EPB41L4B: variants seen among roughly 807,000 people sequenced by gnomAD.
EPB41L4B encodes the protein erythrocyte membrane protein band 4.1 like 4B, also known as band 4.1-like protein 4B.
Under a neutral mutation model 112.5 loss-of-function variants are expected in EPB41L4B, and 30 were observed. The ratio of observed to expected loss-of-function variants is 0.27; its 90% CI spans 0.20 to 0.36. The LOEUF (loss-of-function observed/expected upper bound fraction) is 0.36. Among genes scored for constraint, EPB41L4B ranks in the 10% least tolerant of loss-of-function variants. The probability of loss-of-function intolerance (pLI) is 1.00; values close to 1 mark genes in which losing one functional copy is unlikely to be tolerated. For missense variants in EPB41L4B, 1,024 were observed against 1,133.3 expected (o/e 0.90, Z 1.38); for synonymous variants, 408 against 439.7 (o/e 0.93, Z 0.90).
chr9:109,294,987 G>A (rs945205957), intron 1 of EPB41L4B, among the ~76,000 whole-genome samples: 2 of 152,116 alleles, frequency 1.3e-5, no homozygotes, highest in East Asian at 1.9e-4. Flanking sequence ...TGACATCCAC[G>A]GTGACGAGGA....
rs1015620091 is a variant in EPB41L4B, at chr9:109,174,924, T to G, written c.2634-301A>C. Among the ~76,000 whole-genome samples, 4 of 143,150 alleles carry G rather than the reference T, an allele frequency of 2.8e-5. No individual in the cohort carries two copies. The East Asian group carries it at 8.0e-4, about 29-fold the overall frequency. 93.9% of individuals were successfully genotyped at this position (143,150 alleles called of 152,430 possible). A position where few individuals can be genotyped will look rare whatever the true frequency, so the allele number is the denominator to read the frequency against. ...CACTCAGTAAAGTGTTTTTTTTTTT[T>G]TTTTTTTTTTGAGATGGAGTCTCAC... On this transcript the variant is annotated intron_variant, in intron 25 of 25. Transcript: ENST00000374566.
At chr9:109,319,234 C>A (rs375701578) in intron 1 of EPB41L4B, among the ~76,000 whole-genome samples, 11 of 152,184 alleles carry the variant, frequency 7.2e-5, no homozygotes, top group Admixed American at 2.6e-4. Flanking sequence ...GGTAACTGGA[C>A]GCCCTGCAGC....
At chr9:109,206,379 C>T (rs1220987968) in intron 18 of EPB41L4B, among the ~76,000 whole-genome samples, 6 of 152,172 alleles carry the variant, frequency 3.9e-5, no homozygotes, top group East Asian at 3.9e-4. Context: ...GACAGGGTTT[C>T]GCCATGTTGA....
intron 15 of EPB41L4B, among the ~76,000 whole-genome samples, chr9:109,243,338 C>A (rs572506928): frequency 6.7e-6 from 1 of 149,484 alleles, no homozygotes; most frequent in African/African-American, 2.5e-5. Context: ...TAGAAATTTT[C>A]AGTAACATCT....
Position 109,172,213 on chromosome 9 carries a change from A to G in EPB41L4B, c.*2341T>C, listed in dbSNP as rs1214891028. ...CTTGGAAGCCAAGCAGATCTGACACATAGGAAATACTGGCTTTCCTGGCTT... is the reference window on the plus strand; with the variant it reads ...CTTGGAAGCCAAGCAGATCTGACACGTAGGAAATACTGGCTTTCCTGGCTT... On this transcript the variant is annotated 3_prime_UTR_variant, in exon 26 of 26. Transcript: ENST00000374566. 1 of 152,148 alleles carries G rather than the reference A, an allele frequency of 6.6e-6. No individual in the cohort carries two copies. The highest frequency in any genetic ancestry group is 6.5e-5 in the Admixed American group (1 of 15,282). 9.4% of individuals were successfully genotyped at this position (152,148 alleles called of 1,614,324 possible).
chr9:109,276,871 T>C (rs1182696589), intron 2 of EPB41L4B, among the ~76,000 whole-genome samples: 1 of 152,226 alleles, frequency 6.6e-6, no homozygotes, highest in Non-Finnish European at 1.5e-5. Context: ...TACCTCCTCC[T>C]TTCTAACTAG....
At chr9:109,217,778 G>T (rs1170461168) in intron 15 of EPB41L4B, among the ~76,000 whole-genome samples, 1 of 152,056 alleles carries the variant, frequency 6.6e-6, no homozygotes, top group Non-Finnish European at 1.5e-5. Flanking sequence ...TCGCTATGTT[G>T]CCTGGGCTGG....
At chr9:109,229,144 T>A (rs1833874248) in intron 15 of EPB41L4B, among the ~76,000 whole-genome samples, 1 of 152,186 alleles carries the variant, frequency 6.6e-6, no homozygotes, top group African/African-American at 2.4e-5. Context: ...TGGATTTCAC[T>A]CACTTCATGT....
intron 1 of EPB41L4B, among the ~76,000 whole-genome samples, chr9:109,290,728 T>TATATATATATATATATATATAC (rs1200899575): frequency 1.2e-4 from 16 of 137,110 alleles, no homozygotes; most frequent in African/African-American, 3.6e-4. Context: ...TATATATATA[T>TATATATATATATATATATATAC]ACACACACAC....
At chr9:109,279,550 T>G (rs1413959993) in intron 2 of EPB41L4B, among the ~76,000 whole-genome samples, 1 of 152,216 alleles carries the variant, frequency 6.6e-6, no homozygotes, top group Non-Finnish European at 1.5e-5. Flanking sequence ...TTCTTCTTTC[T>G]ACCTTTTCTA....
chr9:109,176,636 C>T lies in EPB41L4B; in HGVS notation c.2548G>A (p.Ala850Thr). Residue 850 changes from alanine (A) to threonine (T), a missense_variant, in exon 25 of 26, where the codon GCA becomes ACA. Transcript: ENST00000374566. The part of the protein sequence containing the change: ...CPGPTSPLIP[A>T]ATLRPLTETV... Reference sequence around the variant, plus strand: ...TCTGTCAAAGGCCTCAGGGTCGCTGCTGGGATCAGCGGGGAAGTCGGGCCA... The same window carrying T: ...TCTGTCAAAGGCCTCAGGGTCGCTGTTGGGATCAGCGGGGAAGTCGGGCCA... 6.2e-7 allele frequency: 1 copy of T among 1,614,070 alleles called. No individual in the cohort carries two copies. The highest frequency in any genetic ancestry group is 1.3e-5 in the African/African-American group (1 of 75,024).
At chr9:109,252,097 C>A (rs1441045722) in intron 12 of EPB41L4B, among the ~76,000 whole-genome samples, 1 of 152,004 alleles carries the variant, frequency 6.6e-6, no homozygotes, top group Non-Finnish European at 1.5e-5. Flanking sequence ...AATCACAGAC[C>A]CTGGGGCCCA....
chr9:109,304,625 T>A (rs1310592992), intron 1 of EPB41L4B, among the ~76,000 whole-genome samples: 1 of 152,162 alleles, frequency 6.6e-6, no homozygotes, highest in Non-Finnish European at 1.5e-5. Flanking sequence ...AGTTGCCTGA[T>A]CTCTGTGTGC....
At chr9:109,205,344 T>C (rs1480306898) in intron 18 of EPB41L4B, among the ~76,000 whole-genome samples, 1 of 152,096 alleles carries the variant, frequency 6.6e-6, no homozygotes, top group African/African-American at 2.4e-5. Flanking sequence ...CCCTATACTT[T>C]ACAAAATAGA....
intron 1 of EPB41L4B, among the ~76,000 whole-genome samples, chr9:109,308,232 C>T (rs1232185806): frequency 6.6e-6 from 1 of 152,032 alleles, no homozygotes; most frequent in Non-Finnish European, 1.5e-5. Flanking sequence ...AGGAAGAACC[C>T]ACACTCGAGG....
rs758887234 is a variant in EPB41L4B, at chr9:109,220,210, T to C, written c.1410-3065A>G. 2.6e-5 allele frequency among the ~76,000 whole-genome samples: 4 copies of C among 152,106 alleles called. No homozygotes were observed. The East Asian group carries it at 5.8e-4, about 22-fold the overall frequency. On this transcript the variant is annotated intron_variant, in intron 15 of 25. Coordinates refer to ENST00000374566, the MANE Select transcript of EPB41L4B (RefSeq NM_019114.5). Reference sequence around the variant, plus strand: ...TTGTGTGTGTAGAATTTCTTTTCAGTGGAAAAGGTAGAAACAGCTGTTCCA... The same window carrying C: ...TTGTGTGTGTAGAATTTCTTTTCAGCGGAAAAGGTAGAAACAGCTGTTCCA...
At chr9:109,228,572 T>C (rs1833859629) in intron 15 of EPB41L4B, among the ~76,000 whole-genome samples, 1 of 152,202 alleles carries the variant, frequency 6.6e-6, no homozygotes, top group Non-Finnish European at 1.5e-5. Context: ...TGGACTTCAA[T>C]TTTCTTCTGT....
At position 109,256,224 on chromosome 9, in the gene EPB41L4B, C is replaced by CCT; in HGVS notation, c.841-2_841-1dup (p.Gly281ArgfsTer12). On this transcript the variant is annotated frameshift_variant and splice_region_variant. Coordinates refer to ENST00000374566, the MANE Select transcript of EPB41L4B (RefSeq NM_019114.5). LOFTEE classifies it high-confidence loss of function. The stretch of plus-strand genomic sequence containing the variant: ...AGAGAATATTCACAGCCATCTCTTC[C>CCT]CTACAAACAAACGAAGTGACAATCG... 1 of 1,613,938 alleles carries CCT rather than the reference C, an allele frequency of 6.2e-7. No homozygotes were observed. Among genetic ancestry groups the CCT allele is most frequent in the South Asian group, 1.1e-5 (1 of 91,070 alleles).
At chr9:109,178,094 C>T (rs939718245) in intron 24 of EPB41L4B, among the ~76,000 whole-genome samples, 5 of 151,694 alleles carry the variant, frequency 3.3e-5, no homozygotes, top group Non-Finnish European at 7.4e-5. Flanking sequence ...TTTTTTTAAT[C>T]TTTCGTGGAA....
Sources: gnomAD v4.1 joint callset for allele counts (sites outside exome capture counted in the v4.1 genomes callset) on GRCh38, gnomAD v4.1.1 for gene constraint, MANE v1.5 for transcripts, NCBI Gene and HGNC (gene_info 2026-07-23, HGNC 2026-07-21) for gene names.